The following COL5A1 variants were observed in gnomAD, a reference collection of about 807,000 sequenced individuals.
The protein encoded by COL5A1 is collagen alpha-1(V) chain.
In COL5A1, 16 loss-of-function variants were observed where a neutral mutation model predicts 263.7. That is an observed-to-expected ratio of 0.06 (90% CI 0.04 to 0.09). COL5A1 has a LOEUF of 0.09. COL5A1 is among the 10% of genes least tolerant of loss of function. The pLI, the probability that COL5A1 is intolerant of heterozygous loss-of-function variation, is 1.00. For missense variants in COL5A1, 2,036 were observed against 2,540.5 expected (o/e 0.80, Z 4.27); for synonymous variants, 1,012 against 1,004.5 (o/e 1.01, Z -0.14).
chr9:134,812,408 A>T (rs1324763028), intron 46 of COL5A1, 41 bp from the exon 47 acceptor site: 2 of 1,606,908 alleles, frequency 1.2e-6, no homozygotes, highest in African/African-American at 2.7e-5. Context: ...TGACATACAC[A>T]TGACAGAACA....
intron 32 of COL5A1, among the ~76,000 whole-genome samples, chr9:134,792,898 TGTGTGCACGCGC>T (rs1837766003): frequency 3.2e-5 from 1 of 30,982 alleles, no homozygotes; most frequent in African/African-American, 1.2e-4. Context: ...TGTGCGCGCG[TGTGTGCACGCGC>T]GTGTGTGTGC....
In COL5A1 at chr9:134,658,816, G is replaced by C. The variant is rs532186748; in HGVS notation, c.109+16520G>C. 2.6e-5 allele frequency among the ~76,000 whole-genome samples: 4 copies of C among 152,330 alleles called. No individual in the cohort carries two copies. In the South Asian group the frequency reaches 8.3e-4, roughly 32 times the overall value. On this transcript the variant is annotated intron_variant, in intron 1 of 65. Coordinates refer to ENST00000371817, the MANE Select transcript of COL5A1 (RefSeq NM_000093.5). Reference sequence around the variant, plus strand: ...TGCTGGGCTCCAGGTGGGCTCTGGGGTCCTGGCCCTCTTCAAGGTCTCTCC... The same window carrying C: ...TGCTGGGCTCCAGGTGGGCTCTGGGCTCCTGGCCCTCTTCAAGGTCTCTCC...
Position 134,818,203 on chromosome 9 carries a change from G to A in COL5A1, c.4230+372G>A, listed in dbSNP as rs1478275367. Among the ~76,000 whole-genome samples, 4 of 152,214 alleles carry A rather than the reference G, an allele frequency of 2.6e-5. No individual in the cohort carries two copies. Among genetic ancestry groups the A allele is most frequent in the Admixed American group, 6.5e-5 (1 of 15,286 alleles). ...AAGTGGACCGTGTCCGATGGTGACC[G>A]TGTCTGCTGCGGGGCCCGTGCAGAA... is the stretch of plus-strand genomic sequence containing the variant. On this transcript the variant is annotated intron_variant, in intron 54 of 65. Transcript: ENST00000371817. This position sits in a 1 kb window ranked among gnomAD's most constrained non-coding sequence, Gnocchi z 6.0.
intron 4 of COL5A1, among the ~76,000 whole-genome samples, chr9:134,714,337 G>A (rs903969031): frequency 6.7e-6 from 1 of 150,118 alleles, no homozygotes; most frequent in African/African-American, 2.5e-5. Context: ...TTAATGGTGA[G>A]TATGATGATG....
Position 134,815,445 on chromosome 9 carries a change from C to T in COL5A1, c.4015-131C>T, listed in dbSNP as rs543624816. ...TGGGCCATAAAGTGCACTGGGTTGT[C>T]GGAACTGCTGGAAAGTCTTAGGAGC... On this transcript the variant is annotated intron_variant, in intron 50 of 65. Transcript: ENST00000371817. 341 of 916,908 alleles carry T rather than the reference C, an allele frequency of 3.7e-4. 2 individuals carry two copies. The highest frequency in any genetic ancestry group is 9.0e-4 in the Admixed American group (45 of 50,234). 56.8% of individuals were successfully genotyped at this position (916,908 alleles called of 1,614,324 possible).
rs773860969 is a variant in COL5A1, at chr9:134,642,232, G to C, written c.45G>C (p.Pro15=). 1 of 1,296,024 alleles carries C rather than the reference G, an allele frequency of 7.7e-7. No homozygotes were observed. The highest frequency in any genetic ancestry group is 2.3e-5 in the South Asian group (1 of 43,316). 80.3% of individuals were successfully genotyped at this position (1,296,024 alleles called of 1,614,324 possible). ...GGAAAGCGCGCAGCGCGCTCCGCCC[G>C]GGCGCCCCGCTGCTGCCCCCGCTGC... ...TRWKARSALR[P]GAPLLPPLLL... The change falls in exon 1 of 66, where the codon CCG becomes CCC. Residue 15 remains proline (P), a synonymous_variant. Coordinates refer to ENST00000371817, the MANE Select transcript of COL5A1 (RefSeq NM_000093.5). This position sits in a 1 kb window ranked among gnomAD's most constrained non-coding sequence, Gnocchi z 4.5.
chr9:134,811,068 T>C (rs1474415930), intron 44 of COL5A1, among the ~76,000 whole-genome samples: 1 of 152,126 alleles, frequency 6.6e-6, no homozygotes, highest in Non-Finnish European at 1.5e-5. Flanking sequence ...TGTGGGTGCA[T>C]GATGGGAGCT....
chr9:134,748,315 T>C (rs1344954447), intron 11 of COL5A1, among the ~76,000 whole-genome samples: 9 of 148,922 alleles, frequency 6.0e-5, no homozygotes, highest in Non-Finnish European at 1.0e-4. Flanking sequence ...GCATTGATAG[T>C]CACATACATG....
chr9:134,718,091 A>G (rs144571385), intron 4 of COL5A1, among the ~76,000 whole-genome samples: 43 of 152,364 alleles, frequency 2.8e-4, no homozygotes, highest in African/African-American at 4.6e-4. Context: ...GGGCTCTCCA[A>G]TGAAAACTTT....
intron 13 of COL5A1, among the ~76,000 whole-genome samples, chr9:134,751,249 A>G (rs1346796105): frequency 6.6e-6 from 1 of 151,850 alleles, no homozygotes; most frequent in Non-Finnish European, 1.5e-5. Flanking sequence ...AGGGACCCCG[A>G]GATCATGGGG....
chr9:134,656,203 G>T (rs1005659397), intron 1 of COL5A1, among the ~76,000 whole-genome samples: 3 of 152,126 alleles, frequency 2.0e-5, no homozygotes, highest in Admixed American at 2.0e-4. Context: ...CGTCCTGCCC[G>T]CCCAGTGCAG....
chr9:134,653,877 GGGCTGGTGTCTGTAT>G (rs1170651048), intron 1 of COL5A1, among the ~76,000 whole-genome samples: 1 of 151,878 alleles, frequency 6.6e-6, no homozygotes, highest in Non-Finnish European at 1.5e-5. Flanking sequence ...GGCATCTGTA[GGGCTGGTGTCTGTAT>G]GGCTGAGGGT....
At chr9:134,809,046 C>A in intron 42 of COL5A1, 137 bp from the exon 43 acceptor site, 1 of 799,380 alleles carries the variant, frequency 1.3e-6, no homozygotes, top group Non-Finnish European at 2.1e-6. Context: ...TGGCTGAAAT[C>A]CATTAGGACT....
rs1220011161 is a variant in COL5A1, at chr9:134,682,316, ACT to A, written c.110-8593_110-8592del. On this transcript the variant is annotated intron_variant, in intron 1 of 65. Coordinates refer to ENST00000371817, the MANE Select transcript of COL5A1 (RefSeq NM_000093.5). The surrounding 1 kb of genome is among the most constrained non-coding windows in gnomAD (Gnocchi z 5.1). ...CTGGAGGCCGGGTCCTGAGCGGAGC[ACT>A]CTGTACCTGTGTCACCCAAGAGCTG... Among the ~76,000 whole-genome samples, 3 of 151,930 alleles carry A rather than the reference ACT, an allele frequency of 2.0e-5. No individual in the cohort carries two copies. Among genetic ancestry groups the A allele is most frequent in the Non-Finnish European group, 4.4e-5 (3 of 67,998 alleles).
intron 4 of COL5A1, among the ~76,000 whole-genome samples, chr9:134,718,011 G>T (rs1834331416): frequency 6.8e-6 from 1 of 146,568 alleles, no homozygotes; most frequent in African/African-American, 2.5e-5. Flanking sequence ...CTGGGCTGGG[G>T]GGCCGCGGCC....
At chr9:134,733,362 G>C (rs1270077799) in intron 9 of COL5A1, among the ~76,000 whole-genome samples, 4 of 152,240 alleles carry the variant, frequency 2.6e-5, no homozygotes, top group African/African-American at 9.6e-5. Context: ...CCAGGGTCCA[G>C]GGCTTCACCC....
chr9:134,823,456 C>G lies in COL5A1; in HGVS notation c.4685C>G (p.Pro1562Arg), dbSNP rs772020996. 6.2e-7 allele frequency: 1 copy of G among 1,614,162 alleles called. No homozygotes were observed. The highest frequency in any genetic ancestry group is 8.5e-7 in the Non-Finnish European group (1 of 1,180,004). The change falls in exon 61 of 66, where the codon CCC (proline) becomes CGC (arginine). Residue 1562 changes from proline to arginine, a missense_variant. Physicochemically the swap from Pro to Arg is moderately radical, Grantham distance 103. Coordinates refer to ENST00000371817, the MANE Select transcript of COL5A1 (RefSeq NM_000093.5). ...AAGGGTGAGGCAGGCCACCCAGGACCCCCAGGCCCCCCGGTAAGTAGCCCT... is the reference window on the plus strand; with the variant it reads ...AAGGGTGAGGCAGGCCACCCAGGACGCCCAGGCCCCCCGGTAAGTAGCCCT... ...GPKGEAGHPG[P>R]PGPPGPPGEV...
At chr9:134,745,662 G>A (rs114550819) in intron 11 of COL5A1, among the ~76,000 whole-genome samples, 3,082 of 152,278 alleles carry the variant, frequency 0.02, 124 homozygotes, top group African/African-American at 0.069. Flanking sequence ...AAGGGGCTCA[G>A]TAGGAACCCT....
intron 63 of COL5A1, among the ~76,000 whole-genome samples, chr9:134,829,119 A>ATCAT (rs55712373): frequency 0.33 from 50,287 of 151,880 alleles, 8,352 homozygotes; most frequent in African/African-American, 0.36. Flanking sequence ...CCCTTGGTCC[A>ATCAT]TCATTCATTC....
Sources: allele counts gnomAD v4.1 joint callset (sites outside exome capture counted in the v4.1 genomes callset), GRCh38; gene constraint gnomAD v4.1.1; non-coding constraint Gnocchi (gnomAD v3.1); transcripts MANE v1.5; gene names NCBI Gene and HGNC (gene_info 2026-07-23, HGNC 2026-07-21).